BTBD9: variants seen among roughly 807,000 people sequenced by gnomAD.
The protein encoded by BTBD9 is BTB/POZ domain-containing protein 9.
In BTBD9, 49 loss-of-function variants were observed where a neutral mutation model predicts 64.3. That is an observed-to-expected ratio of 0.76 (90% CI 0.61 to 0.97). The LOEUF (loss-of-function observed/expected upper bound fraction) is 0.97. Ranked by LOEUF, BTBD9 falls within the 50% of genes least tolerant of loss-of-function variation. BTBD9 has a pLI of 0.00. For missense variants in BTBD9, 598 were observed against 762.1 expected, an observed-to-expected ratio of 0.78 and a Z score of 2.53; for synonymous variants, 260 against 274.7, an observed-to-expected ratio of 0.95 and a Z score of 0.53.
chr6:38,627,454 CA>C (rs1393695853), intron 1 of BTBD9, among the ~76,000 whole-genome samples: 7 of 152,266 alleles, frequency 4.6e-5, no homozygotes, highest in African/African-American at 1.7e-4. Context: ...CACATATACA[CA>C]GCATGTTTCT....
chr6:38,530,297 T>A (rs924306988), intron 6 of BTBD9, among the ~76,000 whole-genome samples: 1 of 152,222 alleles, frequency 6.6e-6, no homozygotes, highest in African/African-American at 2.4e-5. Context: ...GTTCTGCTTT[T>A]TCCCTTTATC....
At chr6:38,570,252 AAAGAGGTAGT>A (rs1775702138) in intron 6 of BTBD9, among the ~76,000 whole-genome samples, 1 of 152,158 alleles carries the variant, frequency 6.6e-6, no homozygotes, top group South Asian at 2.1e-4. Flanking sequence ...TGCTCCTTCC[AAAGAGGTAGT>A]AAGAGCTTCT....
At chr6:38,298,573 T>C (rs1185516400) in intron 7 of BTBD9, among the ~76,000 whole-genome samples, 4 of 152,186 alleles carry the variant, frequency 2.6e-5, no homozygotes, top group Non-Finnish European at 1.5e-5. Context: ...AGTCCCCTAC[T>C]CTACCAACAA....
chr6:38,539,780 A>T (rs1774186024), intron 6 of BTBD9, among the ~76,000 whole-genome samples: 1 of 152,222 alleles, frequency 6.6e-6, no homozygotes, highest in Non-Finnish European at 1.5e-5. Context: ...CAATTGTAAG[A>T]GATAAATGAG....
At chr6:38,189,741 T>C (rs1187079111) in intron 10 of BTBD9, among the ~76,000 whole-genome samples, 1 of 152,132 alleles carries the variant, frequency 6.6e-6, no homozygotes, top group Non-Finnish European at 1.5e-5. Context: ...TGGCACAATC[T>C]TGGCTCACTG....
At chr6:38,186,147 C>T (rs1306943954) in intron 10 of BTBD9, among the ~76,000 whole-genome samples, 1 of 152,192 alleles carries the variant, frequency 6.6e-6, no homozygotes, top group Non-Finnish European at 1.5e-5. Context: ...GTCCATCTGC[C>T]CACAGCACTG....
intron 6 of BTBD9, among the ~76,000 whole-genome samples, chr6:38,345,707 C>T (rs183041396): frequency 2.1e-3 from 314 of 152,334 alleles, no homozygotes; most frequent in Non-Finnish European, 3.6e-3. Flanking sequence ...CCACAGGAAG[C>T]GATCTGTAGA....
intron 7 of BTBD9, among the ~76,000 whole-genome samples, chr6:38,332,798 A>G (rs1763731989): frequency 6.6e-6 from 1 of 152,172 alleles, no homozygotes; most frequent in Admixed American, 6.5e-5. Flanking sequence ...AAATTTTCCT[A>G]TCCAGGAATA....
At chr6:38,402,142 T>C (rs1405724565) in intron 6 of BTBD9, among the ~76,000 whole-genome samples, 2 of 152,142 alleles carry the variant, frequency 1.3e-5, no homozygotes, top group Non-Finnish European at 2.9e-5. Flanking sequence ...TTAGCAAATA[T>C]GCAAGACTAG....
chr6:38,445,264 T>C (rs1047901132), intron 6 of BTBD9, among the ~76,000 whole-genome samples: 1 of 152,372 alleles, frequency 6.6e-6, no homozygotes, highest in African/African-American at 2.4e-5. Context: ...CTGACTGATA[T>C]AGTAACATCT....
At chr6:38,637,169 G>A (rs1168734795) in intron 1 of BTBD9, among the ~76,000 whole-genome samples, 1 of 152,082 alleles carries the variant, frequency 6.6e-6, no homozygotes, top group African/African-American at 2.4e-5. Context: ...TTCCAAAAGT[G>A]ATTAATTTGT....
intron 7 of BTBD9, among the ~76,000 whole-genome samples, chr6:38,305,131 C>A (rs1400983146): frequency 6.6e-6 from 1 of 152,100 alleles, no homozygotes; most frequent in African/African-American, 2.4e-5. Context: ...TAACATAGTT[C>A]TTTACGGAAA....
intron 6 of BTBD9, among the ~76,000 whole-genome samples, chr6:38,420,913 AG>A (rs1767873331): frequency 6.6e-6 from 1 of 152,226 alleles, no homozygotes; most frequent in Non-Finnish European, 1.5e-5. Context: ...ATAAGAAAAA[AG>A]CACAAACTTT....
At chr6:38,597,075 A>C (rs1236714443) in intron 2 of BTBD9, among the ~76,000 whole-genome samples, 1 of 152,148 alleles carries the variant, frequency 6.6e-6, no homozygotes, top group Non-Finnish European at 1.5e-5. Context: ...GTTCATGAAA[A>C]ACCATAGGAG....
At chr6:38,258,541 C>T (rs1472236034) in intron 8 of BTBD9, among the ~76,000 whole-genome samples, 1 of 152,204 alleles carries the variant, frequency 6.6e-6, no homozygotes, top group Non-Finnish European at 1.5e-5. Flanking sequence ...CACATAATGT[C>T]TCACATGGAG....
chr6:38,381,915 G>T (rs1263613936), intron 6 of BTBD9, among the ~76,000 whole-genome samples: 1 of 151,958 alleles, frequency 6.6e-6, no homozygotes, highest in Non-Finnish European at 1.5e-5. Context: ...GATAATATAA[G>T]AATAATAATG....
At chr6:38,361,409 A>T (rs6458051) in intron 6 of BTBD9, among the ~76,000 whole-genome samples, 100,052 of 151,850 alleles carry the variant, frequency 0.66, 33,905 homozygotes, top group East Asian at 0.96. Flanking sequence ...ATTAGCTAGG[A>T]GTGGTGGCAC....
intron 6 of BTBD9, among the ~76,000 whole-genome samples, chr6:38,463,123 C>T (rs1317795269): frequency 3.3e-5 from 5 of 152,070 alleles, no homozygotes; most frequent in Non-Finnish European, 7.4e-5. Context: ...GATTTTTTCC[C>T]CTAAGTATTT....
intron 6 of BTBD9, among the ~76,000 whole-genome samples, chr6:38,426,037 T>C (rs536796392): frequency 9.9e-5 from 15 of 151,878 alleles, no homozygotes; most frequent in Middle Eastern, 3.4e-3. Context: ...TTGATGTCTT[T>C]ACAAAAAGTA....
Sources: allele counts gnomAD v4.1 joint callset (sites outside exome capture counted in the v4.1 genomes callset), GRCh38; gene constraint gnomAD v4.1.1; transcripts MANE v1.5; gene names NCBI Gene and HGNC (gene_info 2026-07-23, HGNC 2026-07-21).